The following SNX30 variants were observed in gnomAD, a reference collection of about 807,000 sequenced individuals.
SNX30 encodes sorting nexin-30.
SNX30 carries 24 observed loss-of-function variants against 46.4 expected under a neutral mutation model. That is an observed-to-expected ratio of 0.52 (90% CI 0.37 to 0.73). SNX30 has a LOEUF of 0.73. SNX30 is among the 30% of genes least tolerant of loss of function. The pLI is 0.00. For missense variants in SNX30, 533 were observed against 555.7 expected (o/e 0.96, Z 0.41); for synonymous variants, 189 against 211.5 (o/e 0.89, Z 0.92).
intron 3 of SNX30, among the ~76,000 whole-genome samples, chr9:112,828,884 C>A (rs1220017967): frequency 6.6e-6 from 1 of 152,096 alleles, no homozygotes; most frequent in East Asian, 1.9e-4. Context: ...TGGAAGGAAA[C>A]CCTGTACCCA....
chr9:112,859,081 C>T (rs192146316), intron 7 of SNX30, among the ~76,000 whole-genome samples: 1 of 152,110 alleles, frequency 6.6e-6, no homozygotes, highest in African/African-American at 2.4e-5. Flanking sequence ...CATTAAACAA[C>T]TCTCCATTCC....
At chr9:112,834,544 C>T (rs887805836) in intron 4 of SNX30, among the ~76,000 whole-genome samples, 6 of 152,118 alleles carry the variant, frequency 3.9e-5, no homozygotes, top group Non-Finnish European at 8.8e-5. Flanking sequence ...GGTGTAGCAC[C>T]CTTCAGGAAA....
At chr9:112,840,797 T>C (rs1731107471) in intron 6 of SNX30, among the ~76,000 whole-genome samples, 1 of 137,920 alleles carries the variant, frequency 7.3e-6, no homozygotes, top group African/African-American at 2.8e-5. Context: ...TTTTTTTTTT[T>C]GAGACGGAGT....
downstream of SNX30, among the ~76,000 whole-genome samples, chr9:112,882,034 T>A (rs1318214564): frequency 6.6e-6 from 1 of 151,420 alleles, no homozygotes; most frequent in Non-Finnish European, 1.5e-5. Context: ...GAATAGGAGG[T>A]GAGAGAGGGT....
intron 7 of SNX30, among the ~76,000 whole-genome samples, chr9:112,858,127 A>G (rs983718060): frequency 3.9e-5 from 6 of 152,206 alleles, no homozygotes; most frequent in Admixed American, 2.0e-4. Flanking sequence ...GCAACACCCA[A>G]CCATTAGCAG....
downstream of SNX30, among the ~76,000 whole-genome samples, chr9:112,883,700 C>CTTT (rs71384287): frequency 1.4e-3 from 173 of 121,336 alleles, no homozygotes; most frequent in African/African-American, 5.1e-3. Flanking sequence ...TTTTTCTTTT[C>CTTT]TTTTTTTTTT....
At chr9:112,833,003 G>A (rs1433050793) in intron 4 of SNX30, among the ~76,000 whole-genome samples, 1 of 151,710 alleles carries the variant, frequency 6.6e-6, no homozygotes, top group African/African-American at 2.4e-5. Flanking sequence ...TGAACAAAAT[G>A]TGCTAAATGG....
In SNX30 at chr9:112,751,204, TG is replaced by T. The variant is rs538528951; in HGVS notation, c.156+54del. 221 of 1,362,330 alleles carry T rather than the reference TG, an allele frequency of 1.6e-4. 1 individual carries two copies. The African/African-American group carries it at 2.4e-3, about 15-fold the overall frequency. 84.4% of individuals were successfully genotyped at this position (1,362,330 alleles called of 1,614,324 possible). A position where few individuals can be genotyped will look rare whatever the true frequency, so the allele number is the denominator to read the frequency against. On this transcript the variant is annotated intron_variant, in intron 1 of 8. Coordinates refer to ENST00000374232, the MANE Select transcript of SNX30 (RefSeq NM_001012994.2). ...AGTGGGAGGCTTATTTCGCTCCCCGTGGGGGGGATGATGGATCCGGAGCCTT... is the reference window on the plus strand; with the variant it reads ...AGTGGGAGGCTTATTTCGCTCCCCGTGGGGGGATGATGGATCCGGAGCCTT...
At chr9:112,806,269 A>G (rs1469751421) in intron 2 of SNX30, among the ~76,000 whole-genome samples, 2 of 152,170 alleles carry the variant, frequency 1.3e-5, no homozygotes, top group African/African-American at 4.8e-5. Context: ...TGAAAGCCAC[A>G]TATTTAGAGG....
chr9:112,807,665 C>G lies in SNX30; in HGVS notation c.348+2698C>G, dbSNP rs531458115. ...GCCAAATGACAAAGTGACCGCCTTG[C>G]TGGCACAGCAGTGCTTGCCCACTGT... On this transcript the variant is annotated intron_variant, in intron 2 of 8. Coordinates refer to ENST00000374232, the MANE Select transcript of SNX30 (RefSeq NM_001012994.2). 5.3e-5 allele frequency among the ~76,000 whole-genome samples: 8 copies of G among 152,358 alleles called. No individual in the cohort carries two copies. The South Asian group carries it at 1.7e-3, about 32-fold the overall frequency.
chr9:112,760,502 A>G (rs1232731133), intron 1 of SNX30, among the ~76,000 whole-genome samples: 2 of 152,160 alleles, frequency 1.3e-5, no homozygotes, highest in Admixed American at 6.6e-5. Context: ...GATGGGGGAA[A>G]GAATGTCTTG....
intron 7 of SNX30, among the ~76,000 whole-genome samples, chr9:112,855,621 T>C (rs1841111855): frequency 6.6e-6 from 1 of 152,026 alleles, no homozygotes; most frequent in African/African-American, 2.4e-5. Context: ...AAAGAGCACG[T>C]GCTGAGGGCA....
rs1422714813 is a variant in SNX30, at chr9:112,857,832, C to T, written c.1102-6415C>T. ...TCCATCTATCTATTTATTTATTGCT[C>T]TGTTGCCAGGCTGGAGTGCAGTGGC... On this transcript the variant is annotated intron_variant, in intron 7 of 8. Transcript: ENST00000374232. Among the ~76,000 whole-genome samples, 3 of 151,858 alleles carry T rather than the reference C, an allele frequency of 2.0e-5. No homozygotes were observed. In the South Asian group the frequency reaches 6.2e-4, roughly 32 times the overall value.
intron 1 of SNX30, among the ~76,000 whole-genome samples, chr9:112,775,257 G>A (rs1839724612): frequency 1.3e-5 from 2 of 150,198 alleles, no homozygotes; most frequent in South Asian, 4.2e-4. Flanking sequence ...CCAGGTTCAA[G>A]TGATTCTCCT....
At chr9:112,782,363 G>A (rs1839859360) in intron 1 of SNX30, among the ~76,000 whole-genome samples, 1 of 152,284 alleles carries the variant, frequency 6.6e-6, no homozygotes, top group Admixed American at 6.5e-5. Flanking sequence ...ACCATGCCCT[G>A]CCATAAAGTT....
chr9:112,815,455 G>T (rs112034238), intron 2 of SNX30, among the ~76,000 whole-genome samples: 1,922 of 151,996 alleles, frequency 0.013, 53 homozygotes, highest in African/African-American at 0.044. Flanking sequence ...CCCCCTCTGG[G>T]GTTCAAGCAA....
chr9:112,817,608 C>T (rs1840420710), intron 2 of SNX30, 97 bp from the exon 3 acceptor site: 1 of 703,248 alleles, frequency 1.4e-6, no homozygotes, highest in African/African-American at 1.8e-5. Context: ...AAAATATGAT[C>T]TTGCCTAGTT....
intron 1 of SNX30, among the ~76,000 whole-genome samples, chr9:112,775,154 C>CT (rs1167634002): frequency 0.016 from 1,787 of 113,894 alleles, 35 homozygotes; most frequent in African/African-American, 0.037. Flanking sequence ...TTTTTTCTTT[C>CT]TTTTTTTTTT....
chr9:112,810,293 G>A (rs980030821), intron 2 of SNX30, among the ~76,000 whole-genome samples: 7 of 152,180 alleles, frequency 4.6e-5, no homozygotes, highest in African/African-American at 1.7e-4. Flanking sequence ...GTTGTAGAAT[G>A]TATCGTGTCT....
Sources: allele counts gnomAD v4.1 joint callset (sites outside exome capture counted in the v4.1 genomes callset), GRCh38; gene constraint gnomAD v4.1.1; transcripts MANE v1.5; gene names NCBI Gene and HGNC (gene_info 2026-07-23, HGNC 2026-07-21).